The following SLC25A21 variants were observed in gnomAD, a reference collection of about 807,000 sequenced individuals.
The protein encoded by SLC25A21 is mitochondrial 2-oxodicarboxylate carrier.
In SLC25A21, 47 loss-of-function variants were observed where a neutral mutation model predicts 43.8. That is an observed-to-expected ratio of 1.07 (90% CI 0.85 to 1.37). The LOEUF is 1.37. SLC25A21 is among the 40% of genes most tolerant of loss of function. SLC25A21 has a pLI of 0.00. For missense variants in SLC25A21, 352 were observed against 350.2 expected, an observed-to-expected ratio of 1.00 and a Z score of -0.04; for synonymous variants, 131 against 121.3, an observed-to-expected ratio of 1.08 and a Z score of -0.52.
intron 1 of SLC25A21, among the ~76,000 whole-genome samples, chr14:37,017,733 T>A (rs945345054): frequency 6.6e-6 from 1 of 152,038 alleles, no homozygotes; most frequent in South Asian, 2.1e-4. Context: ...TATTATTATT[T>A]TTCGCATAAT....
chr14:37,097,662 C>T (rs1319778202), intron 1 of SLC25A21, among the ~76,000 whole-genome samples: 1 of 152,016 alleles, frequency 6.6e-6, no homozygotes, highest in Non-Finnish European at 1.5e-5. Context: ...GCAGGTGGAT[C>T]GCCTGAGGTC....
chr14:36,820,858 C>T (rs1165834596), intron 2 of SLC25A21, among the ~76,000 whole-genome samples: 2 of 152,078 alleles, frequency 1.3e-5, no homozygotes, highest in Admixed American at 6.5e-5. Context: ...TAGTAATTAC[C>T]TGAATATTAC....
Position 36,679,356 on chromosome 14 carries a change from A to G in SLC25A21, c.*1302T>C. ...AAATGCTCTAAATTAATAAAAAGTA[A>G]TAATTACCATGTTATCTTTTACTTT... On this transcript the variant is annotated 3_prime_UTR_variant, in exon 10 of 10. Coordinates refer to ENST00000331299, the MANE Select transcript of SLC25A21 (RefSeq NM_030631.4). 1 of 974,384 alleles carries G rather than the reference A, an allele frequency of 1.0e-6. No individual in the cohort carries two copies. The highest frequency in any genetic ancestry group is 1.8e-5 in the African/African-American group (1 of 57,040). 60.4% of individuals were successfully genotyped at this position (974,384 alleles called of 1,614,324 possible). A position where few individuals can be genotyped will look rare whatever the true frequency, so the allele number is the denominator to read the frequency against.
intron 1 of SLC25A21, among the ~76,000 whole-genome samples, chr14:36,900,473 C>T (rs1034443835): frequency 6.6e-6 from 1 of 152,182 alleles, no homozygotes; most frequent in East Asian, 1.9e-4. Flanking sequence ...ACTTTTGCTG[C>T]TTCCTACCCT....
intron 1 of SLC25A21, among the ~76,000 whole-genome samples, chr14:36,880,253 C>A (rs1211066077): frequency 6.6e-6 from 1 of 152,112 alleles, no homozygotes; most frequent in Non-Finnish European, 1.5e-5. Flanking sequence ...ACACAGGCTG[C>A]CATGTTAGAC....
chr14:36,769,295 C>T (rs920517666), intron 3 of SLC25A21, among the ~76,000 whole-genome samples: 8 of 152,176 alleles, frequency 5.3e-5, no homozygotes, highest in African/African-American at 1.4e-4. Context: ...TTTATTTTCT[C>T]CCTCTGGGAA....
rs916784286 is a variant in SLC25A21 at position 36,679,727 on chromosome 14, C to G, written c.*931G>C. On this transcript the variant is annotated 3_prime_UTR_variant, in exon 10 of 10. Transcript: ENST00000331299. The stretch of plus-strand genomic sequence containing the variant: ...ATGCAGTTCTGTTCTATACATTCTT[C>G]CTAAAAATGGCACAGGTAGGCATGC... 1.0e-6 allele frequency: 1 copy of G among 985,262 alleles called. No homozygotes were observed. 61.0% of individuals were successfully genotyped at this position (985,262 alleles called of 1,614,324 possible).
chr14:36,777,969 C>T (rs1886898308), intron 3 of SLC25A21, among the ~76,000 whole-genome samples: 1 of 152,166 alleles, frequency 6.6e-6, no homozygotes, highest in Non-Finnish European at 1.5e-5. Context: ...CATTATCTTT[C>T]AACTGCCATG....
rs2138508079 is a variant in SLC25A21, at chr14:36,846,659, G to A, written c.119+28297C>T. On this transcript the variant is annotated intron_variant, in intron 2 of 9. Coordinates refer to ENST00000331299, the MANE Select transcript of SLC25A21 (RefSeq NM_030631.4). The stretch of plus-strand genomic sequence containing the variant: ...AGCCTCCCAAAGTGCTGGAATTACA[G>A]GCATGAGCTACTGTGCCCTGCCACA... 1.3e-5 allele frequency among the ~76,000 whole-genome samples: 2 copies of A among 152,306 alleles called. 1 individual carries two copies. Among genetic ancestry groups the A allele is most frequent in the African/African-American group, 4.8e-5 (2 of 41,566 alleles).
At chr14:36,691,183 T>A (rs1003411781) in intron 7 of SLC25A21, among the ~76,000 whole-genome samples, 9 of 152,184 alleles carry the variant, frequency 5.9e-5, no homozygotes, top group Admixed American at 3.3e-4. Context: ...CTGCCACATG[T>A]CAACCAGTTT....
At position 37,020,712 on chromosome 14, in the gene SLC25A21, T is replaced by A. The variant is rs75162311; in HGVS notation, c.71-145708A>T. On this transcript the variant is annotated intron_variant, in intron 1 of 9. Coordinates refer to ENST00000331299, the MANE Select transcript of SLC25A21 (RefSeq NM_030631.4). ...ATGCATTTTCATCAGTATGTTTGTC[T>A]TGCAGACAAAATGAATATCAGATGG... Among the ~76,000 whole-genome samples, 998 of 152,068 alleles carry A rather than the reference T, an allele frequency of 6.6e-3. 14 individuals are homozygous for A. The highest frequency in any genetic ancestry group is 0.023 in the African/African-American group (941 of 41,526).
chr14:36,795,380 G>A (rs1887638403), intron 3 of SLC25A21, among the ~76,000 whole-genome samples: 1 of 152,202 alleles, frequency 6.6e-6, no homozygotes, highest in Admixed American at 6.5e-5. Context: ...TCTTTAGGCT[G>A]ACTTCTGAAG....
intron 1 of SLC25A21, among the ~76,000 whole-genome samples, chr14:37,099,545 C>CTTA (rs916296077): frequency 6.6e-6 from 1 of 152,076 alleles, no homozygotes; most frequent in Non-Finnish European, 1.5e-5. Flanking sequence ...GTTCCTTATC[C>CTTA]TTATTATTCC....
chr14:37,112,716 A>G (rs977298747), intron 1 of SLC25A21, among the ~76,000 whole-genome samples: 5 of 152,134 alleles, frequency 3.3e-5, no homozygotes, highest in East Asian at 1.9e-4. Context: ...TCCACCATCA[A>G]TTGAGGCTAG....
intron 9 of SLC25A21, among the ~76,000 whole-genome samples, chr14:36,683,169 G>A (rs17105030): frequency 0.054 from 8,190 of 152,254 alleles, 404 homozygotes; most frequent in East Asian, 0.31. Flanking sequence ...TTGCCCTGGC[G>A]GTTGAGTCTG....
chr14:36,875,031 A>G (rs377219842), intron 1 of SLC25A21, 27 bp from the exon 2 acceptor site: 60 of 1,569,574 alleles, frequency 3.8e-5, no homozygotes, highest in Non-Finnish European at 4.9e-5. Context: ...AAAATCCAAT[A>G]AACACTTATG....
Position 36,768,529 on chromosome 14 carries a change from C to T in SLC25A21, c.204-33956G>A, listed in dbSNP as rs556249390. ...ACATACACAGGCTTTCTAATTGTGGCTGCAGCATCCCTACTATATATGTAA... is the reference window on the plus strand; with the variant it reads ...ACATACACAGGCTTTCTAATTGTGGTTGCAGCATCCCTACTATATATGTAA... On this transcript the variant is annotated intron_variant, in intron 3 of 9. Transcript: ENST00000331299. 3.7e-4 allele frequency among the ~76,000 whole-genome samples: 56 copies of T among 152,248 alleles called. 4 individuals are homozygous for T. In the South Asian group the frequency reaches 0.01, roughly 28 times the overall value.
intron 3 of SLC25A21, among the ~76,000 whole-genome samples, chr14:36,739,622 G>C (rs1202365203): frequency 1.3e-5 from 2 of 149,938 alleles, no homozygotes; most frequent in East Asian, 4.0e-4. Context: ...AGGTTGCAGT[G>C]AGCTGAGATC....
intron 3 of SLC25A21, among the ~76,000 whole-genome samples, chr14:36,789,469 C>T (rs41434649): frequency 0.18 from 26,983 of 151,456 alleles, 2,785 homozygotes; most frequent in East Asian, 0.3. Flanking sequence ...GCTTTCATTT[C>T]GTTATCACCT....
Sources: allele counts gnomAD v4.1 joint callset (sites outside exome capture counted in the v4.1 genomes callset), GRCh38; gene constraint gnomAD v4.1.1; transcripts MANE v1.5; gene names NCBI Gene and HGNC (gene_info 2026-07-23, HGNC 2026-07-21).